Variants in SIN3A observed in about 807,000 individuals in gnomAD.
SIN3A encodes SIN3 transcription regulator family member A.
Under a neutral mutation model 146.1 loss-of-function variants are expected in SIN3A, and 14 were observed. The ratio of observed to expected loss-of-function variants is 0.10; its 90% CI spans 0.06 to 0.15. The LOEUF is 0.15. Among genes scored for constraint, SIN3A ranks in the 10% least tolerant of loss-of-function variants. The probability of loss-of-function intolerance (pLI) is 1.00; values close to 1 mark genes in which losing one functional copy is unlikely to be tolerated. For missense variants in SIN3A, 1,028 were observed against 1,576.0 expected (o/e 0.65, Z 5.89); for synonymous variants, 572 against 572.0 (o/e 1.00, Z 0.00).
intron 19 of SIN3A, chr15:75,376,104 G>A (rs1252481548): frequency 7.0e-6 from 4 of 571,600 alleles, no homozygotes; most frequent in Non-Finnish European, 1.2e-5. Flanking sequence ...GATGTAGCCA[G>A]TTAAGAGTTT....
At chr15:75,421,852 C>T (rs1195948911) in intron 3 of SIN3A, 2 of 152,188 alleles carry the variant, frequency 1.3e-5, no homozygotes, top group African/African-American at 4.8e-5. Flanking sequence ...TAGCTGGGAA[C>T]ACAAGCTTCA....
intron 9 of SIN3A, among the ~76,000 whole-genome samples, chr15:75,403,891 T>C (rs774696509): frequency 6.6e-6 from 1 of 152,200 alleles, no homozygotes; most frequent in African/African-American, 2.4e-5. Context: ...TTGCCAAGGC[T>C]GTTTTAAACT....
At chr15:75,441,539 C>A (rs997822056) in intron 1 of SIN3A, among the ~76,000 whole-genome samples, 1 of 152,098 alleles carries the variant, frequency 6.6e-6, no homozygotes, top group African/African-American at 2.4e-5. Flanking sequence ...AGCGATCCTC[C>A]TGCCTCAGCC....
rs539513218 is a variant in SIN3A at position 75,389,387 on chromosome 15, T to C, written c.3021+265A>G. ...TACCCATGGCAGACAAGGTAAGAGA[T>C]AGACAAGTTGTGCAGGAAGCTGGGG... is the stretch of plus-strand genomic sequence containing the variant. On this transcript the variant is annotated intron_variant, in intron 16 of 20. Coordinates refer to ENST00000394947, the MANE Select transcript of SIN3A (RefSeq NM_001145358.2). Among the ~76,000 whole-genome samples, 7 of 151,828 alleles carry C rather than the reference T, an allele frequency of 4.6e-5. No homozygotes were observed. The East Asian group carries it at 7.7e-4, about 17-fold the overall frequency.
At chr15:75,383,589 C>T (rs1405260886) in intron 17 of SIN3A, among the ~76,000 whole-genome samples, 3 of 150,588 alleles carry the variant, frequency 2.0e-5, no homozygotes, top group Admixed American at 6.6e-5. Flanking sequence ...AGTGCAGTGG[C>T]GCGATCTCAG....
chr15:75,433,167 T>A (rs932884149), intron 1 of SIN3A, among the ~76,000 whole-genome samples: 1 of 152,128 alleles, frequency 6.6e-6, no homozygotes, highest in African/African-American at 2.4e-5. Flanking sequence ...GGGAGAATGT[T>A]TGAGGGCAAA....
At chr15:75,453,141 G>A (rs944647545), upstream of SIN3A, 1 of 152,324 alleles carries the variant, frequency 6.6e-6, no homozygotes, top group African/African-American at 2.4e-5. Flanking sequence ...GACACGCCCA[G>A]GGAACCCACG....
chr15:75,452,580 G>C (rs1341838334), upstream of SIN3A, among the ~76,000 whole-genome samples: 1 of 152,236 alleles, frequency 6.6e-6, no homozygotes, highest in Non-Finnish European at 1.5e-5. Context: ...CTAAGGTCTG[G>C]AGACCTAGGC....
intron 1 of SIN3A, among the ~76,000 whole-genome samples, chr15:75,431,022 C>T (rs375225083): frequency 3.3e-4 from 50 of 152,254 alleles, no homozygotes; most frequent in African/African-American, 8.7e-4. Context: ...GTGATCCATC[C>T]GCCTCAGCCT....
intron 2 of SIN3A, 84 bp from the exon 3 acceptor site, chr15:75,422,907 C>T: frequency 2.1e-6 from 3 of 1,403,336 alleles, no homozygotes; most frequent in Non-Finnish European, 2.9e-6. Context: ...CACAAATGCA[C>T]AAAGATAATT....
At chr15:75,411,849 C>A (rs1049514027) in intron 5 of SIN3A, 106 bp from the exon 6 acceptor site, 7 of 1,242,674 alleles carry the variant, frequency 5.6e-6, no homozygotes, top group Non-Finnish European at 6.7e-6. Flanking sequence ...CCTTTATTTA[C>A]TCACTCAGGC....
chr15:75,422,959 C>G (rs2073863924), intron 2 of SIN3A, 136 bp from the exon 3 acceptor site: 2 of 787,104 alleles, frequency 2.5e-6, no homozygotes, highest in Non-Finnish European at 4.0e-6. Context: ...TGGCTCACAC[C>G]TATCTCACCT....
chr15:75,416,025 T>A (rs1286538067), intron 3 of SIN3A: 1 of 321,770 alleles, frequency 3.1e-6, no homozygotes, highest in Non-Finnish European at 6.0e-6. Context: ...AAGTGAAACA[T>A]GTGCATTTTT....
intron 20 of SIN3A, among the ~76,000 whole-genome samples, chr15:75,374,549 A>G (rs1567306029): frequency 6.6e-6 from 1 of 152,212 alleles, no homozygotes; most frequent in Non-Finnish European, 1.5e-5. Flanking sequence ...CAGAACTCCA[A>G]GCTATCTTTG....
At chr15:75,386,014 T>C (rs193154201) in intron 16 of SIN3A, among the ~76,000 whole-genome samples, 19 of 152,324 alleles carry the variant, frequency 1.2e-4, no homozygotes, top group Admixed American at 1.2e-3. Flanking sequence ...TACATACAGA[T>C]GCTTCCACTT....
At chr15:75,423,556 C>T (rs7170660) in intron 2 of SIN3A, among the ~76,000 whole-genome samples, 85,160 of 151,746 alleles carry the variant, frequency 0.56, 24,623 homozygotes, top group African/African-American at 0.7. Context: ...CGGGCACCTA[C>T]AGTCCCAGCT....
chr15:75,396,190 T>C (rs2073299793), intron 13 of SIN3A, 68 bp downstream of exon 13: 20 of 1,126,584 alleles, frequency 1.8e-5, no homozygotes, highest in Non-Finnish European at 2.5e-5. Context: ...AATGAGAGCC[T>C]TATTTAATGA....
rs1297154754 is a variant in SIN3A, at chr15:75,375,753, C to A, written c.3503G>T (p.Arg1168Ile). 6.2e-7 allele frequency: 1 copy of A among 1,614,098 alleles called. No individual in the cohort carries two copies. The highest frequency in any genetic ancestry group is 8.5e-7 in the Non-Finnish European group (1 of 1,179,954). The change falls in exon 20 of 21, where the codon AGA becomes ATA. Residue 1168 changes from arginine to isoleucine, a missense_variant. Arg to Ile is a moderately conservative substitution (Grantham distance 97, BLOSUM62 -3). Transcript: ENST00000394947. ...CATCTTGTAGGAATTCAGCTTGAAT[C>A]TACACTCCAGCTTATCCAGACTATC... is the stretch of plus-strand genomic sequence containing the variant. ...NVDSLDKLEC[R>I]FKLNSYKMVY...
intron 13 of SIN3A, 115 bp from the exon 14 acceptor site, chr15:75,394,978 C>T (rs1223555163): frequency 1.1e-6 from 1 of 914,242 alleles, no homozygotes; most frequent in African/African-American, 1.7e-5. Flanking sequence ...TTAGGTCTCT[C>T]AAAATTACTG....
Sources: gnomAD v4.1 joint callset for allele counts (sites outside exome capture counted in the v4.1 genomes callset) on GRCh38, gnomAD v4.1.1 for gene constraint, MANE v1.5 for transcripts, NCBI Gene and HGNC (gene_info 2026-07-23, HGNC 2026-07-21) for gene names.